Variants in TBC1D32 observed in about 807,000 individuals in gnomAD.
The protein encoded by TBC1D32 is TBC1 domain family member 32.
TBC1D32 carries 151 observed loss-of-function variants against 170.3 expected under a neutral mutation model. That is an observed-to-expected ratio of 0.89 (90% confidence interval 0.78 to 1.01). The LOEUF (loss-of-function observed/expected upper bound fraction) is 1.01, where lower values mean the gene tolerates loss of function less well. Among genes scored for constraint, TBC1D32 ranks in the 50% least tolerant of loss-of-function variants. The probability of loss-of-function intolerance (pLI) is 0.00; values close to 1 mark genes in which losing one functional copy is unlikely to be tolerated. For synonymous variants in TBC1D32, 498 were observed against 488.0 expected (o/e 1.02, Z -0.27); for missense variants, 1,464 against 1,457.1 (o/e 1.00, Z -0.08).
intron 2 of TBC1D32, among the ~76,000 whole-genome samples, chr6:121,319,465 A>G (rs1298866046): frequency 6.6e-6 from 1 of 152,152 alleles, no homozygotes; most frequent in Non-Finnish European, 1.5e-5. Flanking sequence ...CTCCTTCCAC[A>G]GTGATTGAAT....
chr6:121,242,897 T>C (rs918428639), intron 17 of TBC1D32, among the ~76,000 whole-genome samples: 6 of 152,114 alleles, frequency 3.9e-5, no homozygotes, highest in African/African-American at 9.6e-5. Context: ...CTGGGAATTA[T>C]GGATGTTTGG....
intron 31 of TBC1D32, among the ~76,000 whole-genome samples, chr6:121,082,537 T>C (rs982234281): frequency 6.6e-5 from 10 of 151,968 alleles, no homozygotes; most frequent in Middle Eastern, 3.2e-3. Flanking sequence ...AAAGATCCAA[T>C]GGCAGAAGAA....
At chr6:121,233,201 T>C (rs529427309) in intron 20 of TBC1D32, among the ~76,000 whole-genome samples, 2 of 152,268 alleles carry the variant, frequency 1.3e-5, no homozygotes, top group East Asian at 3.9e-4. Flanking sequence ...CGGTAAAATG[T>C]TCTGTAAATA....
At chr6:121,223,812 T>C (rs905832845) in intron 20 of TBC1D32, among the ~76,000 whole-genome samples, 1 of 146,204 alleles carries the variant, frequency 6.8e-6, no homozygotes, top group African/African-American at 2.4e-5. Context: ...CTAACCTAAA[T>C]ATGATAGCTA....
In TBC1D32 at chr6:121,241,468, A is replaced by C; in HGVS notation, c.2242T>G (p.Ser748Ala). The C allele has an allele frequency of 6.2e-7, 1 of 1,612,002 alleles. No individual in the cohort carries two copies. The highest frequency in any genetic ancestry group is 8.5e-7 in the Non-Finnish European group (1 of 1,178,956). ...CTAATGAAAAGAAAACATTTACCTG[A>C]CTTTTTTAGTGCAATGCCACCTGCT... ...TAAGGIALKK[S>A]GFINELITEL... The change falls in exon 19 of 32, where the codon TCA (serine) becomes GCA (alanine). Residue 748 changes from serine to alanine, a missense_variant. Around this residue, in one of 3 missense-constraint regions of TBC1D32, gnomAD observed 1,363 missense variants for 1,338.1 expected, o/e 1.02. Transcript: ENST00000398212.
chr6:121,310,866 G>A lies in TBC1D32; in HGVS notation c.496-19C>T. ...TGTAACTCTGTAACACAATTGTCAG[G>A]ACATTCATTTATTTAGAAGGCTTTT... On this transcript the variant is annotated intron_variant, in intron 3 of 31. Coordinates refer to ENST00000398212, the MANE Select transcript of TBC1D32 (RefSeq NM_152730.6). The A allele has an allele frequency of 7.5e-7, 1 of 1,340,580 alleles. No individual in the cohort carries two copies. The highest frequency in any genetic ancestry group is 1.1e-6 in the Non-Finnish European group (1 of 940,590). The allele number at this position is 1,340,580 out of a possible 1,614,324, so 83.0% of individuals were successfully genotyped here. A position where few individuals can be genotyped will look rare whatever the true frequency, so the allele number is the denominator to read the frequency against.
intron 26 of TBC1D32, among the ~76,000 whole-genome samples, chr6:121,120,652 T>C (rs1253698865): frequency 6.6e-6 from 1 of 152,014 alleles, no homozygotes; most frequent in African/African-American, 2.4e-5. Context: ...CTCTTCCCAA[T>C]TTATGTTTTC....
chr6:121,284,232 T>A (rs537154011), intron 12 of TBC1D32, among the ~76,000 whole-genome samples: 12 of 152,062 alleles, frequency 7.9e-5, no homozygotes, highest in African/African-American at 2.9e-4. Context: ...CAATTAGGAG[T>A]AGTAAAATTC....
chr6:121,286,278 C>T (rs1583570612), intron 12 of TBC1D32, among the ~76,000 whole-genome samples: 1 of 152,102 alleles, frequency 6.6e-6, no homozygotes, highest in Admixed American at 6.6e-5. Flanking sequence ...ACAACCAATG[C>T]AGAGAAGTCC....
At chr6:121,172,469 G>C (rs1161533038) in intron 22 of TBC1D32, among the ~76,000 whole-genome samples, 2 of 152,100 alleles carry the variant, frequency 1.3e-5, no homozygotes, top group African/African-American at 4.8e-5. Flanking sequence ...TAAGATCAAT[G>C]GGAAAATACA....
chr6:121,129,032 C>G (rs785396), intron 25 of TBC1D32, among the ~76,000 whole-genome samples: 150,528 of 152,254 alleles, frequency 0.99, 74,441 homozygotes, highest in East Asian at 1. Context: ...TTGAAGTAGA[C>G]AGCAATTCCT....
chr6:121,266,268 A>G (rs1170793535), intron 15 of TBC1D32, among the ~76,000 whole-genome samples: 1 of 152,214 alleles, frequency 6.6e-6, no homozygotes, highest in Non-Finnish European at 1.5e-5. Context: ...ATGAATGGAC[A>G]CTTCTCAAAA....
chr6:121,098,147 T>C (rs1355200593), intron 30 of TBC1D32, among the ~76,000 whole-genome samples: 1 of 151,856 alleles, frequency 6.6e-6, no homozygotes, highest in Non-Finnish European at 1.5e-5. Flanking sequence ...TATACCTATG[T>C]AACAAACCTG....
chr6:121,239,318 A>C, intron 19 of TBC1D32, 130 bp from the exon 20 acceptor site: 2 of 465,406 alleles, frequency 4.3e-6, no homozygotes, highest in East Asian at 6.0e-5. Context: ...TCTTATATAA[A>C]AAATAATCTC....
At chr6:121,101,721 T>A (rs1283264768) in intron 30 of TBC1D32, among the ~76,000 whole-genome samples, 2 of 152,114 alleles carry the variant, frequency 1.3e-5, no homozygotes, top group African/African-American at 4.8e-5. Context: ...CAACATAGTG[T>A]TGGAAGTTCT....
intron 22 of TBC1D32, among the ~76,000 whole-genome samples, chr6:121,171,430 G>A (rs1210178354): frequency 6.6e-6 from 1 of 151,272 alleles, no homozygotes; most frequent in Non-Finnish European, 1.5e-5. Flanking sequence ...GCAGTAATAC[G>A]AGATGAGATG....
At chr6:121,147,810 T>G (rs1783660609) in intron 24 of TBC1D32, among the ~76,000 whole-genome samples, 1 of 152,066 alleles carries the variant, frequency 6.6e-6, no homozygotes, top group Non-Finnish European at 1.5e-5. Context: ...GTCAGGATGG[T>G]CTTGATCTCC....
chr6:121,140,137 T>G lies in TBC1D32; in HGVS notation c.2774-8385A>C, dbSNP rs78870830. ...TTTACCTAAGAGCATAATATGGTTT[T>G]CAAGGACATTTGACTCATACATAGA... On this transcript the variant is annotated intron_variant, in intron 24 of 31. Transcript: ENST00000398212. Among the ~76,000 whole-genome samples the G allele has an allele frequency of 4.2e-3, 633 of 152,206 alleles. 2 individuals carry two copies. Among genetic ancestry groups the G allele is most frequent in the Non-Finnish European group, 6.7e-3 (456 of 67,942 alleles).
chr6:121,298,014 T>A (rs1211572715), intron 10 of TBC1D32, among the ~76,000 whole-genome samples: 1 of 152,010 alleles, frequency 6.6e-6, no homozygotes, highest in Non-Finnish European at 1.5e-5. Context: ...ATGGATGGAG[T>A]GGTCTGCAAT....
Sources: gnomAD v4.1 joint callset for allele counts (sites outside exome capture counted in the v4.1 genomes callset) on GRCh38, gnomAD v4.1.1 for gene constraint, gnomAD v4.1.1 regional missense constraint, MANE v1.5 for transcripts, NCBI Gene and HGNC (gene_info 2026-07-23, HGNC 2026-07-21) for gene names.